Variants in NADK observed in about 807,000 individuals in gnomAD.
NADK encodes the protein NAD kinase.
NADK carries 22 observed loss-of-function variants against 49.8 expected under a neutral mutation model. That is an observed-to-expected ratio of 0.44 (90% CI 0.32 to 0.63). The LOEUF is 0.63. Ranked by LOEUF, NADK falls within the 30% of genes least tolerant of loss-of-function variation. The pLI is 0.06. For missense variants in NADK, 438 were observed against 609.4 expected, an observed-to-expected ratio of 0.72 and a Z score of 2.96; for synonymous variants, 268 against 253.7, an observed-to-expected ratio of 1.06 and a Z score of -0.54.
intron 3 of NADK, among the ~76,000 whole-genome samples, chr1:1,758,883 C>G (rs755888269): frequency 2.0e-5 from 3 of 152,192 alleles, no homozygotes; most frequent in South Asian, 4.1e-4. Context: ...CGCCAGCCAC[C>G]GCTCTGGCCC....
chr1:1,758,013 C>A (rs1256612681), intron 3 of NADK, among the ~76,000 whole-genome samples: 5 of 152,206 alleles, frequency 3.3e-5, no homozygotes. Context: ...CCCATTACCA[C>A]GTTAGTCACA....
At chr1:1,763,257 G>A (rs529727445) in intron 2 of NADK, among the ~76,000 whole-genome samples, 2 of 152,364 alleles carry the variant, frequency 1.3e-5, no homozygotes, top group African/African-American at 2.4e-5. Flanking sequence ...GGCCAAGGCA[G>A]GCGGATCACG....
chr1:1,773,736 G>C (rs1210629508), intron 1 of NADK, among the ~76,000 whole-genome samples: 1 of 150,226 alleles, frequency 6.7e-6, no homozygotes, highest in Non-Finnish European at 1.5e-5. Context: ...GTGTGAGAGA[G>C]AGAGAGAAAT....
intron 11 of NADK, 112 bp downstream of exon 11, chr1:1,753,455 G>T: frequency 1.2e-6 from 1 of 834,090 alleles, no homozygotes; most frequent in Non-Finnish European, 1.9e-6. Context: ...CTCAGGCCCT[G>T]TGGTGCCCTA....
At position 1,754,378 on chromosome 1, in the gene NADK, C is replaced by G; in HGVS notation, c.849G>C (p.Leu283=). The G allele has an allele frequency of 6.2e-7, 1 of 1,613,924 alleles. No individual in the cohort carries two copies. Among genetic ancestry groups the G allele is most frequent in the Non-Finnish European group, 8.5e-7 (1 of 1,179,904 alleles). The change falls in exon 9 of 12, where the codon CTG becomes CTC. Residue 283 remains leucine (L), a synonymous_variant. Coordinates refer to ENST00000341426, the MANE Select transcript of NADK (RefSeq NM_023018.5). The surrounding 1 kb of genome is among the most constrained non-coding windows in gnomAD (Gnocchi z 4.3). ...VGKQAMQYQV[L]NEVVIDRGPS... ...GGCCTCTGTCAATCACCACCTCATT[C>G]AGGACCTGGAGGGGCGACAGCATTG...
At position 1,753,571 on chromosome 1, in the gene NADK, C is replaced by A. The variant is rs1340610689; in HGVS notation, c.1180G>T (p.Asp394Tyr). 6.2e-7 allele frequency: 1 copy of A among 1,612,238 alleles called. No individual in the cohort carries two copies. The highest frequency in any genetic ancestry group is 2.2e-5 in the East Asian group (1 of 44,856). The change falls in exon 11 of 12, where the codon GAC becomes TAC. Residue 394 changes from aspartate (D) to tyrosine (Y), a missense_variant. Physicochemically the swap from Asp to Tyr is radical, Grantham distance 160. Transcript: ENST00000341426. ...AGCCCGGCATGCAGCCCACACCTGTCTCCATGGCGGATCTCTTGTCTCTTC... is the reference window on the plus strand; with the variant it reads ...AGCCCGGCATGCAGCCCACACCTGTATCCATGGCGGATCTCTTGTCTCTTC... Reference protein sequence around the residue: ...GRKRQEIRHGDSISITTSCYP... With the variant: ...GRKRQEIRHGYSISITTSCYP...
At chr1:1,758,231 C>T (rs1645594166) in intron 3 of NADK, 4 of 1,060,008 alleles carry the variant, frequency 3.8e-6, no homozygotes, top group Non-Finnish European at 5.3e-6. Flanking sequence ...ATGCCTCTTC[C>T]CAGCAGTGAC....
rs138611037 is a variant in NADK at position 1,753,973 on chromosome 1, G to C, written c.1101+78C>G. 4.7e-6 allele frequency: 7 copies of C among 1,480,894 alleles called. No individual in the cohort carries two copies. In the Admixed American group the frequency reaches 1.3e-4, roughly 28 times the overall value. 91.7% of individuals were successfully genotyped at this position (1,480,894 alleles called of 1,614,324 possible). ...GAGGCTGGAGCCAGCATGGCAGAGC[G>C]GGGTGCTAGGTCCCGGCTTTGTGTT... is the stretch of plus-strand genomic sequence containing the variant. On this transcript the variant is annotated intron_variant, in intron 10 of 11. Coordinates refer to ENST00000341426, the MANE Select transcript of NADK (RefSeq NM_023018.5).
chr1:1,759,642 A>C, intron 3 of NADK: 1 of 1,380,814 alleles, frequency 7.2e-7, no homozygotes, highest in Non-Finnish European at 9.8e-7. Context: ...GCGGGAGGTT[A>C]TGATCCCAGA....
At position 1,773,689 on chromosome 1, in the gene NADK, T is replaced by C. The variant is rs868599164; in HGVS notation, c.-41+4600A>G. ...AGAAGCTCTATTTTGTGTGTGTGTG[T>C]GTGTGTGTGTGTGTGTGTGTGTGTG... On this transcript the variant is annotated intron_variant, in intron 1 of 11. Transcript: ENST00000341426. Among the ~76,000 whole-genome samples the C allele has an allele frequency of 5.3e-4, 44 of 83,336 alleles. 2 individuals carry two copies. Among genetic ancestry groups the C allele is most frequent in the African/African-American group, 1.5e-3 (41 of 27,190 alleles). 54.7% of individuals were successfully genotyped at this position (83,336 alleles called of 152,430 possible).
intron 1 of NADK, among the ~76,000 whole-genome samples, chr1:1,773,465 T>C: frequency 6.8e-6 from 1 of 147,684 alleles, no homozygotes; most frequent in Non-Finnish European, 1.5e-5. Flanking sequence ...AAACAGTTAA[T>C]AAAGGTCAGA....
intron 4 of NADK, 122 bp from the exon 5 acceptor site, chr1:1,756,730 C>G (rs1570514348): frequency 7.8e-6 from 12 of 1,540,640 alleles, no homozygotes; most frequent in South Asian, 2.3e-5. Flanking sequence ...CCCGCCCCCC[C>G]ACGCTCACGC....
intron 6 of NADK, chr1:1,755,964 C>A: frequency 1.8e-6 from 1 of 541,168 alleles, no homozygotes; most frequent in Non-Finnish European, 3.3e-6. Context: ...CAAGGGAGGC[C>A]CAGAGGGGAT....
intron 1 of NADK, 91 bp from the exon 2 acceptor site, chr1:1,765,537 A>AG: frequency 1.5e-6 from 1 of 646,048 alleles, no homozygotes; most frequent in Non-Finnish European, 2.3e-6. Flanking sequence ...CATTTCATCA[A>AG]GGGGAAAAAA....
At chr1:1,768,679 T>A (rs1320975683) in intron 1 of NADK, among the ~76,000 whole-genome samples, 1 of 152,194 alleles carries the variant, frequency 6.6e-6, no homozygotes, top group African/African-American at 2.4e-5. Context: ...GTCTTTACGA[T>A]GAACCAAATT....
At chr1:1,766,079 G>A (rs1437199356) in intron 1 of NADK, among the ~76,000 whole-genome samples, 3 of 151,840 alleles carry the variant, frequency 2.0e-5, no homozygotes, top group Non-Finnish European at 4.4e-5. Context: ...ACCACTCTGG[G>A]CAACAAAGAA....
In NADK at chr1:1,754,430, G is replaced by C. The variant is rs112721234; in HGVS notation, c.844-47C>G. The C allele has an allele frequency of 8.7e-6, 14 of 1,609,442 alleles. No homozygotes were observed. Among genetic ancestry groups the C allele is most frequent in the Non-Finnish European group, 1.1e-5 (13 of 1,176,602 alleles). On this transcript the variant is annotated intron_variant, in intron 8 of 11. Coordinates refer to ENST00000341426, the MANE Select transcript of NADK (RefSeq NM_023018.5). The surrounding 1 kb of genome is among the most constrained non-coding windows in gnomAD (Gnocchi z 4.3). The stretch of plus-strand genomic sequence containing the variant: ...ACACTCAGGGCGGGGGATGCCGCAC[G>C]GCTCGCAGACACCCTCCGTCTCACC...
intron 2 of NADK, among the ~76,000 whole-genome samples, chr1:1,763,010 C>A (rs1645775108): frequency 6.6e-6 from 1 of 152,214 alleles, no homozygotes; most frequent in South Asian, 2.1e-4. Context: ...AAAACTTGCA[C>A]ACAGCTGGCC....
intron 3 of NADK, chr1:1,759,693 G>A (rs750604879): frequency 3.0e-5 from 47 of 1,541,588 alleles, no homozygotes; most frequent in Non-Finnish European, 3.8e-5. Flanking sequence ...TGGGGGTGCC[G>A]AGAAAGCTGC....
Sources: gnomAD v4.1 joint callset for allele counts (sites outside exome capture counted in the v4.1 genomes callset) on GRCh38, gnomAD v4.1.1 for gene constraint, Gnocchi (gnomAD v3.1) non-coding constraint, MANE v1.5 for transcripts, NCBI Gene and HGNC (gene_info 2026-07-23, HGNC 2026-07-21) for gene names.